ROBO1: variants seen among roughly 807,000 people sequenced by gnomAD.
ROBO1 encodes the protein roundabout homolog 1.
Under a neutral mutation model 195.9 loss-of-function variants are expected in ROBO1, and 149 were observed. That is an observed-to-expected ratio of 0.76 (90% CI 0.67 to 0.87). ROBO1 has a LOEUF of 0.87. Ranked by LOEUF, ROBO1 falls within the 40% of genes least tolerant of loss-of-function variation. ROBO1 has a pLI of 0.00. For missense variants in ROBO1, 1,933 were observed against 2,068.3 expected, an observed-to-expected ratio of 0.93 and a Z score of 1.27; for synonymous variants, 816 against 733.2, an observed-to-expected ratio of 1.11 and a Z score of -1.82.
At chr3:79,495,014 CAGAT>C (rs1235961140) in intron 2 of ROBO1, among the ~76,000 whole-genome samples, 1 of 141,528 alleles carries the variant, frequency 7.1e-6, no homozygotes, top group African/African-American at 2.5e-5. Context: ...GATAGATTGA[CAGAT>C]AGGTAGATAG....
intron 3 of ROBO1, among the ~76,000 whole-genome samples, chr3:79,087,542 T>C (rs1366807517): frequency 6.6e-6 from 1 of 151,804 alleles, no homozygotes; most frequent in Non-Finnish European, 1.5e-5. Context: ...CTTCCTTCTT[T>C]CCTTCCTTCT....
At chr3:79,064,288 G>C (rs1420277417) in intron 3 of ROBO1, among the ~76,000 whole-genome samples, 1 of 151,712 alleles carries the variant, frequency 6.6e-6, no homozygotes, top group African/African-American at 2.4e-5. Flanking sequence ...ATTCCACAGA[G>C]ATTTTCCTTA....
chr3:78,973,506 T>C lies in ROBO1; in HGVS notation c.173-34579A>G, dbSNP rs577034099. On this transcript the variant is annotated intron_variant, in intron 3 of 30. Coordinates refer to ENST00000464233, the MANE Select transcript of ROBO1 (RefSeq NM_002941.4). ...TTATATATATAAGAAGCTATATATA[T>C]ATTATATATATAAGAAGCTATATAT... 6.8e-4 allele frequency among the ~76,000 whole-genome samples: 99 copies of C among 145,842 alleles called. 1 individual carries two copies. Among genetic ancestry groups the C allele is most frequent in the African/African-American group, 2.2e-3 (87 of 40,434 alleles).
intron 3 of ROBO1, among the ~76,000 whole-genome samples, chr3:79,004,517 A>G (rs548946877): frequency 1.8e-4 from 27 of 152,290 alleles, no homozygotes; most frequent in African/African-American, 6.0e-4. Flanking sequence ...GACAGTATGT[A>G]GAGGATGCTA....
intron 2 of ROBO1, among the ~76,000 whole-genome samples, chr3:79,584,249 A>C (rs1337297224): frequency 9.0e-5 from 8 of 88,550 alleles, no homozygotes; most frequent in African/African-American, 4.6e-4. Flanking sequence ...ACATAGGTAC[A>C]TGTAATATAT....
intron 1 of ROBO1, among the ~76,000 whole-genome samples, chr3:79,758,282 T>A (rs1704514933): frequency 6.6e-6 from 1 of 152,204 alleles, no homozygotes; most frequent in Non-Finnish European, 1.5e-5. Flanking sequence ...TGCATAAAAT[T>A]GGCTATCTAA....
chr3:79,564,412 TGC>T (rs1247541061), intron 2 of ROBO1, among the ~76,000 whole-genome samples: 1 of 152,032 alleles, frequency 6.6e-6, no homozygotes, highest in Non-Finnish European at 1.5e-5. Context: ...TGCTGTGTTG[TGC>T]TAGTGGTTTC....
At chr3:79,694,001 C>T (rs1947370773) in intron 1 of ROBO1, among the ~76,000 whole-genome samples, 1 of 150,862 alleles carries the variant, frequency 6.6e-6, no homozygotes. Flanking sequence ...TACGTGTTAA[C>T]TTAAAAAAAA....
intron 2 of ROBO1, among the ~76,000 whole-genome samples, chr3:79,341,696 C>A (rs1026223646): frequency 6.6e-6 from 1 of 152,032 alleles, no homozygotes; most frequent in Non-Finnish European, 1.5e-5. Flanking sequence ...CTCCAACTAC[C>A]ATACTTATAT....
At chr3:79,746,692 T>G (rs1703890831) in intron 1 of ROBO1, among the ~76,000 whole-genome samples, 1 of 152,056 alleles carries the variant, frequency 6.6e-6, no homozygotes, top group South Asian at 2.1e-4. Context: ...ATTTTAGTCC[T>G]AATATTTTAC....
intron 3 of ROBO1, among the ~76,000 whole-genome samples, chr3:79,109,601 G>A (rs946604386): frequency 2.0e-5 from 3 of 151,770 alleles, no homozygotes; most frequent in African/African-American, 7.3e-5. Flanking sequence ...TATTACTTAC[G>A]CATGGTTCTC....
intron 2 of ROBO1, among the ~76,000 whole-genome samples, chr3:79,436,502 CAAAG>C (rs1361989348): frequency 2.6e-5 from 4 of 151,832 alleles, no homozygotes; most frequent in Non-Finnish European, 4.4e-5. Flanking sequence ...TATTTATTAC[CAAAG>C]AAATAGAAGG....
intron 2 of ROBO1, among the ~76,000 whole-genome samples, chr3:79,484,953 C>T (rs1473193523): frequency 6.6e-6 from 1 of 151,456 alleles, no homozygotes; most frequent in Non-Finnish European, 1.5e-5. Flanking sequence ...GGGGTTTCAC[C>T]ATATTGTCCA....
At position 79,723,270 on chromosome 3, in the gene ROBO1, C is replaced by T. The variant is rs77615710; in HGVS notation, c.-51+44482G>A. On this transcript the variant is annotated intron_variant, in intron 1 of 30. Coordinates refer to ENST00000464233, the MANE Select transcript of ROBO1 (RefSeq NM_002941.4). ...TGGGATCAAAGGTGATCTTATTTTC[C>T]ATGCTAACTCTTTGTCCTGAGGCAG... Among the ~76,000 whole-genome samples the T allele has an allele frequency of 9.1e-3, 1,392 of 152,200 alleles. 18 individuals are homozygous for T. The highest frequency in any genetic ancestry group is 0.03 in the African/African-American group (1,253 of 41,530).
chr3:78,951,327 A>G (rs2040773499), intron 3 of ROBO1, among the ~76,000 whole-genome samples: 2 of 152,022 alleles, frequency 1.3e-5, no homozygotes, highest in African/African-American at 4.8e-5. Flanking sequence ...ATTCATAAAA[A>G]GCTTTCTCTC....
intron 2 of ROBO1, among the ~76,000 whole-genome samples, chr3:79,226,744 C>T (rs1375443821): frequency 6.6e-6 from 1 of 151,818 alleles, no homozygotes; most frequent in Non-Finnish European, 1.5e-5. Flanking sequence ...ATAAGGTCTC[C>T]GTATGTTGCC....
At chr3:78,769,305 A>T (rs886191852) in intron 4 of ROBO1, among the ~76,000 whole-genome samples, 4 of 152,146 alleles carry the variant, frequency 2.6e-5, no homozygotes, top group African/African-American at 9.7e-5. Flanking sequence ...GCCTTTTACC[A>T]TTATATAATG....
At chr3:79,326,992 C>T (rs1456147372) in intron 2 of ROBO1, among the ~76,000 whole-genome samples, 2 of 152,052 alleles carry the variant, frequency 1.3e-5, no homozygotes, top group Non-Finnish European at 2.9e-5. Flanking sequence ...CTCTAAGCTT[C>T]CTTTTAATCC....
chr3:79,751,151 T>A (rs1704113621), intron 1 of ROBO1, among the ~76,000 whole-genome samples: 1 of 152,194 alleles, frequency 6.6e-6, no homozygotes, highest in South Asian at 2.1e-4. Flanking sequence ...TGCTGTTGAA[T>A]CTTAATATTT....
Sources: gnomAD v4.1 joint callset for allele counts (sites outside exome capture counted in the v4.1 genomes callset) on GRCh38, gnomAD v4.1.1 for gene constraint, MANE v1.5 for transcripts, NCBI Gene and HGNC (gene_info 2026-07-23, HGNC 2026-07-21) for gene names.